The following ASNS variants were observed in gnomAD, a reference collection of about 807,000 sequenced individuals.
ASNS encodes the protein asparagine synthetase [glutamine-hydrolyzing].
A neutral mutation model predicts 62.6 loss-of-function variants in ASNS; 37 were observed. That is an observed-to-expected ratio of 0.59 (90% CI 0.45 to 0.78). The LOEUF (loss-of-function observed/expected upper bound fraction) is 0.78, where lower values mean the gene tolerates loss of function less well. ASNS is among the 30% of genes least tolerant of loss of function. The pLI is 0.00. For synonymous variants in ASNS, 207 were observed against 237.9 expected, an observed-to-expected ratio of 0.87 and a Z score of 1.19; for missense variants, 520 against 682.4, an observed-to-expected ratio of 0.76 and a Z score of 2.65.
the ASNS span, among the ~76,000 whole-genome samples, chr7:97,881,302 T>C: frequency 6.6e-6 from 1 of 152,184 alleles, no homozygotes; most frequent in Non-Finnish European, 1.5e-5. Context: ...AACCATACAC[T>C]TCAGTATCAT....
the ASNS span, among the ~76,000 whole-genome samples, chr7:97,896,076 A>C: frequency 6.6e-6 from 1 of 152,254 alleles, no homozygotes. Context: ...ATGGAAAGGC[A>C]TCTTATGCTT....
intron 3 of ASNS, among the ~76,000 whole-genome samples, chr7:97,867,670 A>C (rs1359004715): frequency 6.6e-6 from 1 of 152,132 alleles, no homozygotes; most frequent in Non-Finnish European, 1.5e-5. Flanking sequence ...TCTACCTCCC[A>C]CTAGCAGGAA....
chr7:97,891,065 T>A, the ASNS span, among the ~76,000 whole-genome samples: 132 of 134,138 alleles, frequency 9.8e-4, no homozygotes, highest in East Asian at 4.8e-3. Flanking sequence ...CATACCTGAC[T>A]GAGACTGGGC....
chr7:97,880,567 C>T, the ASNS span, among the ~76,000 whole-genome samples: 6 of 152,290 alleles, frequency 3.9e-5, no homozygotes, highest in East Asian at 9.6e-4. Flanking sequence ...TCAATATGTA[C>T]AGTCCTGGGC....
the ASNS span, among the ~76,000 whole-genome samples, chr7:97,921,646 C>A: frequency 6.6e-6 from 1 of 152,192 alleles, no homozygotes; most frequent in Non-Finnish European, 1.5e-5. Context: ...GCAGCACCAT[C>A]CTTTGCCATC....
intron 1 of ASNS, among the ~76,000 whole-genome samples, chr7:97,871,268 T>C (rs556558281): frequency 6.6e-6 from 1 of 152,342 alleles, no homozygotes; most frequent in Non-Finnish European, 1.5e-5. Context: ...ACATCTCAGT[T>C]AGGACTAGCC....
the ASNS span, among the ~76,000 whole-genome samples, chr7:97,890,077 G>A: frequency 6.6e-6 from 1 of 151,670 alleles, no homozygotes; most frequent in African/African-American, 2.4e-5. Flanking sequence ...ATAATTGACA[G>A]CTTTAACAAT....
chr7:97,868,804 G>C, intron 3 of ASNS, 104 bp downstream of exon 3: 1 of 1,491,088 alleles, frequency 6.7e-7, no homozygotes, highest in South Asian at 1.3e-5. Context: ...CGAACATAGA[G>C]TGCTTTGCAA....
the ASNS span, among the ~76,000 whole-genome samples, chr7:97,895,354 G>A: frequency 1.3e-5 from 2 of 152,168 alleles, no homozygotes; most frequent in Non-Finnish European, 2.9e-5. Context: ...AACACAGTAT[G>A]GGACATCCAA....
upstream of ASNS, among the ~76,000 whole-genome samples, chr7:97,875,227 C>A (rs1792413407): frequency 6.6e-6 from 1 of 152,184 alleles, no homozygotes; most frequent in Non-Finnish European, 1.5e-5. Flanking sequence ...CTCACTGCAA[C>A]CTCTGCCTCC....
chr7:97,866,210 A>G (rs1459271452), intron 3 of ASNS, among the ~76,000 whole-genome samples: 1 of 152,230 alleles, frequency 6.6e-6, no homozygotes, highest in Non-Finnish European at 1.5e-5. Flanking sequence ...CTAGCTATAA[A>G]AATGTAAAGC....
Position 97,852,433 on chromosome 7 carries a change from T to C in ASNS, c.1512A>G (p.Lys504=), listed in dbSNP as rs1791225965. ...DDAMMANAAQ[K]FPFNTPKTKE... is the part of the protein sequence containing the mutation. ...TGGTTTTAGGAGTATTGAAGGGAAA[T>C]TTCTGGGCTGCATTTGCCATCATTG... Residue 504 remains lysine (K), a synonymous_variant, in exon 13 of 13, where the codon AAA becomes AAG. Coordinates refer to ENST00000394308, the MANE Select transcript of ASNS (RefSeq NM_001673.5). 1 of 1,614,116 alleles carries C rather than the reference T, an allele frequency of 6.2e-7. No individual in the cohort carries two copies.
At chr7:97,904,911 A>G in the ASNS span, among the ~76,000 whole-genome samples, 1 of 152,134 alleles carries the variant, frequency 6.6e-6, no homozygotes, top group East Asian at 1.9e-4. Context: ...TCCAAAGAAC[A>G]CCATTTGGGG....
rs1791546009 is a variant in ASNS at position 97,858,190 on chromosome 7, G to C, written c.903+88C>G. The C allele has an allele frequency of 3.3e-6, 5 of 1,517,294 alleles. No homozygotes were observed. The South Asian group carries it at 6.3e-5, about 19-fold the overall frequency. 94.0% of individuals were successfully genotyped at this position (1,517,294 alleles called of 1,614,324 possible). On this transcript the variant is annotated intron_variant, in intron 7 of 12. Transcript: ENST00000394308. ...AATTGACCCAGTCAATACAGCAGCA[G>C]TAGAATCACCCATTATTGACTCCAT...
the ASNS span, among the ~76,000 whole-genome samples, chr7:97,903,432 A>C: frequency 2.9e-4 from 44 of 152,288 alleles, no homozygotes; most frequent in Non-Finnish European, 4.3e-4. Flanking sequence ...ACTGCCATTT[A>C]CATGCAGACA....
At chr7:97,882,624 A>G in the ASNS span, among the ~76,000 whole-genome samples, 1 of 140,674 alleles carries the variant, frequency 7.1e-6, no homozygotes, top group Non-Finnish European at 1.5e-5. Flanking sequence ...ACAGAGAGAG[A>G]TTAAATAAAT....
chr7:97,913,371 AG>A, the ASNS span, among the ~76,000 whole-genome samples: 2 of 152,236 alleles, frequency 1.3e-5, no homozygotes, highest in African/African-American at 4.8e-5. Flanking sequence ...CTGAGGCTCC[AG>A]GATTGGGCCA....
At chr7:97,927,797 G>T in the ASNS span, among the ~76,000 whole-genome samples, 2 of 152,182 alleles carry the variant, frequency 1.3e-5, no homozygotes, top group African/African-American at 4.8e-5. Context: ...CAGTGTCCAG[G>T]TGACCCAAGC....
rs1347033583 is a variant in ASNS, at chr7:97,853,379, G to T, written c.1246C>A (p.Leu416Met). 1 of 1,611,704 alleles carries T rather than the reference G, an allele frequency of 6.2e-7. No individual in the cohort carries two copies. The highest frequency in any genetic ancestry group is 2.2e-5 in the East Asian group (1 of 44,838). ...CGATGATCTAGAAATGGGACTCTCA[G>T]TTCAAGACTTAAAGGAGAAAAGAAG... ...DRTTAAHGLELRVPFLDHRFS... is the reference protein window; with the variant it reads ...DRTTAAHGLEMRVPFLDHRFS... The change falls in exon 11 of 13, where the codon CTG becomes ATG. Residue 416 changes from leucine to methionine, a missense_variant. Leu to Met is a conservative substitution (Grantham distance 15). Transcript: ENST00000394308.
Sources: allele counts gnomAD v4.1 joint callset (sites outside exome capture counted in the v4.1 genomes callset), GRCh38; gene constraint gnomAD v4.1.1; transcripts MANE v1.5; gene names NCBI Gene and HGNC (gene_info 2026-07-23, HGNC 2026-07-21).